ZCCHC7: variants seen among roughly 807,000 people sequenced by gnomAD.
ZCCHC7 encodes the protein zinc finger CCHC domain-containing protein 7.
Under a neutral mutation model 52.0 loss-of-function variants are expected in ZCCHC7, and 35 were observed. The ratio of observed to expected loss-of-function variants is 0.67; its 90% CI spans 0.51 to 0.89. The LOEUF is 0.89. Among genes scored for constraint, ZCCHC7 ranks in the 40% least tolerant of loss-of-function variants. The pLI is 0.00. For synonymous variants in ZCCHC7, 217 were observed against 221.5 expected (o/e 0.98, Z 0.18); for missense variants, 574 against 649.1 (o/e 0.88, Z 1.26).
At chr9:37,211,529 G>C (rs1824214675) in intron 2 of ZCCHC7, among the ~76,000 whole-genome samples, 1 of 151,954 alleles carries the variant, frequency 6.6e-6, no homozygotes, top group South Asian at 2.1e-4. Context: ...TTATAATGCA[G>C]ATAAGTAGTA....
chr9:37,285,637 A>G (rs1470423851), intron 2 of ZCCHC7, among the ~76,000 whole-genome samples: 1 of 152,236 alleles, frequency 6.6e-6, no homozygotes, highest in African/African-American at 2.4e-5. Flanking sequence ...TGATCAAGCT[A>G]TAAATCAATC....
chr9:37,196,323 A>G (rs960489639), intron 2 of ZCCHC7, among the ~76,000 whole-genome samples: 2 of 152,176 alleles, frequency 1.3e-5, no homozygotes, highest in African/African-American at 4.8e-5. Flanking sequence ...TTATCTGTAG[A>G]TGCAGCCACT....
At chr9:37,270,221 T>G (rs1827336536) in intron 2 of ZCCHC7, among the ~76,000 whole-genome samples, 1 of 152,194 alleles carries the variant, frequency 6.6e-6, no homozygotes, top group Non-Finnish European at 1.5e-5. Flanking sequence ...AATCTCACAT[T>G]AGTGGCTTGC....
chr9:37,339,842 G>C (rs555821954), intron 6 of ZCCHC7, among the ~76,000 whole-genome samples: 1 of 152,130 alleles, frequency 6.6e-6, no homozygotes, highest in Admixed American at 6.6e-5. Flanking sequence ...ATTACATATC[G>C]TATATAGTAA....
At chr9:37,265,851 G>A (rs2133468929) in intron 2 of ZCCHC7, among the ~76,000 whole-genome samples, 1 of 152,158 alleles carries the variant, frequency 6.6e-6, no homozygotes, top group African/African-American at 2.4e-5. Flanking sequence ...TTTTCAGGCT[G>A]TATGCCATAG....
At chr9:37,347,481 A>T (rs1003978022) in intron 6 of ZCCHC7, among the ~76,000 whole-genome samples, 4 of 152,260 alleles carry the variant, frequency 2.6e-5, no homozygotes, top group Non-Finnish European at 4.4e-5. Context: ...CCTAATATAC[A>T]TACTGAAAAG....
At chr9:37,122,814 G>T (rs1161738197) in intron 1 of ZCCHC7, among the ~76,000 whole-genome samples, 2 of 152,242 alleles carry the variant, frequency 1.3e-5, no homozygotes, top group African/African-American at 4.8e-5. Flanking sequence ...GCGCGTGCCT[G>T]TAATCCCAGC....
At chr9:37,175,587 A>G (rs1253125394) in intron 2 of ZCCHC7, among the ~76,000 whole-genome samples, 1 of 151,988 alleles carries the variant, frequency 6.6e-6, no homozygotes, top group Non-Finnish European at 1.5e-5. Flanking sequence ...AATACAAAAT[A>G]TTAGCTGGGT....
chr9:37,196,881 G>A (rs1823315873), intron 2 of ZCCHC7, among the ~76,000 whole-genome samples: 1 of 151,878 alleles, frequency 6.6e-6, no homozygotes, highest in Admixed American at 6.6e-5. Context: ...AAAAAATTGG[G>A]GGATACACTT....
chr9:37,346,372 GT>G (rs1157668711), intron 6 of ZCCHC7, among the ~76,000 whole-genome samples: 2 of 152,068 alleles, frequency 1.3e-5, no homozygotes, highest in Non-Finnish European at 2.9e-5. Flanking sequence ...CAAAACACCT[GT>G]TTGCAACATT....
At chr9:37,229,598 G>A (rs927030940) in intron 2 of ZCCHC7, among the ~76,000 whole-genome samples, 1 of 152,124 alleles carries the variant, frequency 6.6e-6, no homozygotes, top group Non-Finnish European at 1.5e-5. Context: ...AGATAAAAGT[G>A]GTATACTTGT....
At chr9:37,356,197 A>C (rs142321502) in intron 8 of ZCCHC7, among the ~76,000 whole-genome samples, 146 of 152,338 alleles carry the variant, frequency 9.6e-4, no homozygotes, top group African/African-American at 3.4e-3. Context: ...CTCTCACTGT[A>C]ACCTCATCTC....
In ZCCHC7 at chr9:37,138,872, T is replaced by A. The variant is rs1843104485; in HGVS notation, c.610+11930T>A. ...AATTATTGCATATAGTGATCACTTA[T>A]CTAAGAAGATAAGTATGATTTATAT... On this transcript the variant is annotated intron_variant, in intron 2 of 8. Coordinates refer to ENST00000336755, the MANE Select transcript of ZCCHC7 (RefSeq NM_032226.3). Among the ~76,000 whole-genome samples, 7 of 151,944 alleles carry A rather than the reference T, an allele frequency of 4.6e-5. No homozygotes were observed. The South Asian group carries it at 1.2e-3, about 27-fold the overall frequency.
At position 37,252,823 on chromosome 9, in the gene ZCCHC7, T is replaced by C. The variant is rs536171812; in HGVS notation, c.611-49365T>C. Among the ~76,000 whole-genome samples the C allele has an allele frequency of 1.7e-4, 26 of 152,280 alleles. 1 individual carries two copies. The East Asian group carries it at 4.0e-3, about 24-fold the overall frequency. ...AATACCAACATTGGTATTTGAGAGC[T>C]AATCATCTCCAATGTTATTATTTTG... On this transcript the variant is annotated intron_variant, in intron 2 of 8. Transcript: ENST00000336755.
intron 2 of ZCCHC7, among the ~76,000 whole-genome samples, chr9:37,131,700 A>G (rs1344859697): frequency 6.6e-6 from 1 of 152,194 alleles, no homozygotes; most frequent in Non-Finnish European, 1.5e-5. Flanking sequence ...TGCTCTACTG[A>G]CAGTTAATAC....
chr9:37,179,917 G>T (rs1167519382), intron 2 of ZCCHC7, among the ~76,000 whole-genome samples: 2 of 152,074 alleles, frequency 1.3e-5, no homozygotes, highest in African/African-American at 2.4e-5. Flanking sequence ...TTTGAGTTTA[G>T]AGTCCATAAG....
At chr9:37,242,384 C>T (rs2133361760) in intron 2 of ZCCHC7, among the ~76,000 whole-genome samples, 1 of 151,774 alleles carries the variant, frequency 6.6e-6, no homozygotes, top group South Asian at 2.1e-4. Flanking sequence ...CAAATGGATC[C>T]ATGGAGTTTT....
rs549620617 is a variant in ZCCHC7 at position 37,296,718 on chromosome 9, G to A, written c.611-5470G>A. Among the ~76,000 whole-genome samples, 87 of 151,690 alleles carry A rather than the reference G, an allele frequency of 5.7e-4. 2 individuals are homozygous for A. The highest frequency in any genetic ancestry group is 4.4e-3 in the Admixed American group (67 of 15,202). On this transcript the variant is annotated intron_variant, in intron 2 of 8. Transcript: ENST00000336755. ...TACTTACTTACTTTATTTATTTATC[G>A]CGAAGGTTGTCATGCGCTGTCATCC...
At chr9:37,155,527 TTAAAA>T (rs745849651) in intron 2 of ZCCHC7, among the ~76,000 whole-genome samples, 3 of 152,220 alleles carry the variant, frequency 2.0e-5, no homozygotes, top group Non-Finnish European at 4.4e-5. Context: ...AATTCTTTCT[TTAAAA>T]TAATTCTTTC....
Sources: gnomAD v4.1 joint callset for allele counts (sites outside exome capture counted in the v4.1 genomes callset) on GRCh38, gnomAD v4.1.1 for gene constraint, MANE v1.5 for transcripts, NCBI Gene and HGNC (gene_info 2026-07-23, HGNC 2026-07-21) for gene names.